AHCYL1: variants seen among roughly 807,000 people sequenced by gnomAD.
The protein encoded by AHCYL1 is adenosylhomocysteinase like 1.
A neutral mutation model predicts 79.3 loss-of-function variants in AHCYL1; 20 were observed. The observed-to-expected ratio is 0.25, with a 90% CI of 0.18 to 0.37. The LOEUF (loss-of-function observed/expected upper bound fraction) is 0.37. AHCYL1 is among the 10% of genes least tolerant of loss of function. The pLI, the probability that AHCYL1 is intolerant of heterozygous loss-of-function variation, is 1.00. For missense variants in AHCYL1, 330 were observed against 673.6 expected (o/e 0.49, Z 5.65); for synonymous variants, 223 against 242.2 (o/e 0.92, Z 0.74).
At chr1:109,985,593 G>A in intron 1 of AHCYL1, 1 of 980,234 alleles carries the variant, frequency 1.0e-6, no homozygotes, top group Non-Finnish European at 1.2e-6. Context: ...GGGAGCAGTG[G>A]CCGCTTTATC....
In AHCYL1 at chr1:109,984,946, G is replaced by GGGTGGGCGATCGCGTGTC; in HGVS notation, c.-104_-87dup. The GGGTGGGCGATCGCGTGTC allele has an allele frequency of 7.4e-7, 1 of 1,346,652 alleles. No homozygotes were observed. The allele number at this position is 1,346,652 out of a possible 1,614,324, so 83.4% of individuals were successfully genotyped here. A position where few individuals can be genotyped will look rare whatever the true frequency, so the allele number is the denominator to read the frequency against. On this transcript the variant is annotated 5_prime_UTR_variant, in exon 1 of 17. Coordinates refer to ENST00000369799, the MANE Select transcript of AHCYL1 (RefSeq NM_006621.7). ...CAGCTCGACGCAGGGGCCGGCAGGAGGGTGGGCGATCGCGTGTCGGAGGGC... is the reference window on the plus strand; with the variant it reads ...CAGCTCGACGCAGGGGCCGGCAGGAGGGTGGGCGATCGCGTGTCGGTGGGCGATCGCGTGTCGGAGGGC...
chr1:109,985,325 C>G (rs371159956), intron 1 of AHCYL1, 153 bp downstream of exon 1: 1 of 1,346,204 alleles, frequency 7.4e-7, no homozygotes, highest in Non-Finnish European at 9.6e-7. Flanking sequence ...CCCCAGGCCT[C>G]TCCCGGGCTG....
At chr1:109,993,056 CATT>C (rs1024709837) in intron 1 of AHCYL1, among the ~76,000 whole-genome samples, 3 of 152,266 alleles carry the variant, frequency 2.0e-5, no homozygotes, top group Non-Finnish European at 2.9e-5. Context: ...CCAAAAGACT[CATT>C]ATAAGTGCCT....
At chr1:110,018,328 T>G (rs370748845) in intron 11 of AHCYL1, 45 bp from the exon 12 acceptor site, 2 of 1,589,872 alleles carry the variant, frequency 1.3e-6, no homozygotes, top group African/African-American at 2.7e-5. Flanking sequence ...CCAGTACCTT[T>G]GTTGCCCGGC....
chr1:109,996,799 G>A (rs1226923802), intron 1 of AHCYL1, among the ~76,000 whole-genome samples: 1 of 152,182 alleles, frequency 6.6e-6, no homozygotes, highest in Non-Finnish European at 1.5e-5. Flanking sequence ...CACTGTATAT[G>A]TGGTCCATCA....
chr1:110,009,523 C>T (rs530395203), intron 2 of AHCYL1, among the ~76,000 whole-genome samples: 2 of 152,138 alleles, frequency 1.3e-5, no homozygotes, highest in Non-Finnish European at 2.9e-5. Flanking sequence ...GTAAAATATA[C>T]CCTGTCACCT....
Position 110,017,491 on chromosome 1 carries a change from G to C in AHCYL1, c.964-4G>C. The C allele has an allele frequency of 2.5e-6, 4 of 1,613,848 alleles. No individual in the cohort carries two copies. Among genetic ancestry groups the C allele is most frequent in the Non-Finnish European group, 3.4e-6 (4 of 1,179,908 alleles). Reference sequence around the variant, plus strand: ...AACGACTTGACCTTTCTTTTGTTCTGCAGGTAGGCAAGGGCTGCTGTGCTG... The same window carrying C: ...AACGACTTGACCTTTCTTTTGTTCTCCAGGTAGGCAAGGGCTGCTGTGCTG... On this transcript the variant is annotated splice_polypyrimidine_tract_variant and splice_region_variant and intron_variant, in intron 9 of 16. Coordinates refer to ENST00000369799, the MANE Select transcript of AHCYL1 (RefSeq NM_006621.7).
At chr1:110,007,926 C>A (rs944775684) in intron 1 of AHCYL1, among the ~76,000 whole-genome samples, 3 of 151,578 alleles carry the variant, frequency 2.0e-5, no homozygotes. Flanking sequence ...TAAATAATAT[C>A]AATTGCAAGC....
intron 1 of AHCYL1, among the ~76,000 whole-genome samples, chr1:109,996,012 G>A (rs561625962): frequency 6.6e-6 from 1 of 152,300 alleles, no homozygotes; most frequent in South Asian, 2.1e-4. Flanking sequence ...CTCAGGTCAG[G>A]AGTTCGAGAC....
intron 1 of AHCYL1, among the ~76,000 whole-genome samples, chr1:109,996,177 T>G (rs1050042337): frequency 2.6e-5 from 4 of 151,940 alleles, no homozygotes; most frequent in Non-Finnish European, 4.4e-5. Context: ...ATGACTACAC[T>G]CCAGCCTGGG....
chr1:110,018,702 C>A, intron 13 of AHCYL1, 52 bp downstream of exon 13: 1 of 1,468,378 alleles, frequency 6.8e-7, no homozygotes, highest in South Asian at 1.2e-5. Context: ...GTAGTTAGAT[C>A]TATGAGGGGG....
intron 16 of AHCYL1, 90 bp from the exon 17 acceptor site, chr1:110,021,584 G>A: frequency 7.6e-7 from 1 of 1,320,604 alleles, no homozygotes; most frequent in Non-Finnish European, 1.1e-6. Context: ...CTGGGGAGGG[G>A]CCCTGGAGAA....
At chr1:109,994,858 A>G (rs1229644823) in intron 1 of AHCYL1, among the ~76,000 whole-genome samples, 1 of 152,210 alleles carries the variant, frequency 6.6e-6, no homozygotes, top group African/African-American at 2.4e-5. Context: ...TTGATAATAC[A>G]GTGGCCTTGG....
At chr1:110,017,671 C>A in intron 10 of AHCYL1, 88 bp downstream of exon 10, 2 of 1,379,934 alleles carry the variant, frequency 1.4e-6, no homozygotes, top group Non-Finnish European at 2.0e-6. Flanking sequence ...ATCATTTTTG[C>A]AGAAATCACC....
chr1:109,993,410 A>T (rs183550696), intron 1 of AHCYL1, among the ~76,000 whole-genome samples: 2 of 152,324 alleles, frequency 1.3e-5, no homozygotes, highest in African/African-American at 4.8e-5. Context: ...ACCGTATCTC[A>T]CACATATTTA....
chr1:109,984,972 G>T lies in AHCYL1; in HGVS notation c.-81G>T, dbSNP rs933840357. The stretch of plus-strand genomic sequence containing the variant: ...GGTGGGCGATCGCGTGTCGGAGGGC[G>T]CCGCGCGGGCAGGCGGGCGGGCGCC... On this transcript the variant is annotated 5_prime_UTR_variant, in exon 1 of 17. Transcript: ENST00000369799. The T allele has an allele frequency of 3.3e-5, 45 of 1,367,394 alleles. No individual in the cohort carries two copies. Among genetic ancestry groups the T allele is most frequent in the Admixed American group, 7.9e-5 (2 of 25,392 alleles). 84.7% of individuals were successfully genotyped at this position (1,367,394 alleles called of 1,614,324 possible).
chr1:110,002,635 T>C (rs1396965771), intron 1 of AHCYL1, among the ~76,000 whole-genome samples: 1 of 152,186 alleles, frequency 6.6e-6, no homozygotes, highest in African/African-American at 2.4e-5. Context: ...GTGAAGTCAT[T>C]AGGGAATAGG....
chr1:109,985,286 A>G, intron 1 of AHCYL1, 114 bp downstream of exon 1: 1 of 1,436,510 alleles, frequency 7.0e-7, no homozygotes, highest in East Asian at 2.9e-5. Context: ...GGGACGGCGG[A>G]GGTGATGTAG....
At chr1:110,019,025 C>T (rs955223945) in intron 13 of AHCYL1, 26 bp from the exon 14 acceptor site, 14 of 1,609,054 alleles carry the variant, frequency 8.7e-6, no homozygotes, top group Non-Finnish European at 1.0e-5. Context: ...CAGAGCTCAT[C>T]CCAGGGCTCT....
Sources: allele counts gnomAD v4.1 joint callset (sites outside exome capture counted in the v4.1 genomes callset), GRCh38; gene constraint gnomAD v4.1.1; transcripts MANE v1.5; gene names NCBI Gene and HGNC (gene_info 2026-07-23, HGNC 2026-07-21).